RTCB: variants seen among roughly 807,000 people sequenced by gnomAD.
RTCB encodes RNA 2',3'-cyclic phosphate and 5'-OH ligase, also known as RNA-splicing ligase RTCB.
A neutral mutation model predicts 58.2 loss-of-function variants in RTCB; 32 were observed. That is an observed-to-expected ratio of 0.55 (90% CI 0.41 to 0.74). RTCB has a LOEUF of 0.74. Among genes scored for constraint, RTCB ranks in the 30% least tolerant of loss-of-function variants. The pLI, the probability that RTCB is intolerant of heterozygous loss-of-function variation, is 0.00. For synonymous variants in RTCB, 247 were observed against 218.6 expected, an observed-to-expected ratio of 1.13 and a Z score of -1.15; for missense variants, 523 against 639.0, an observed-to-expected ratio of 0.82 and a Z score of 1.96.
intron 11 of RTCB, among the ~76,000 whole-genome samples, chr22:32,388,770 C>T (rs998988606): frequency 3.3e-5 from 5 of 152,146 alleles, no homozygotes; most frequent in African/African-American, 1.2e-4. Flanking sequence ...TGCTGATTCC[C>T]GTACGGTTCT....
Position 32,393,878 on chromosome 22 carries a change from T to C in RTCB, c.1290+14A>G. 1.3e-6 allele frequency: 2 copies of C among 1,563,592 alleles called. No individual in the cohort carries two copies. Among genetic ancestry groups the C allele is most frequent in the Non-Finnish European group, 1.8e-6 (2 of 1,133,922 alleles). Reference sequence around the variant, plus strand: ...TGAAGAGAGCATTTCTAAGGAAGTTTCTGTTTTCCTTACCGCTCCATGACA... The same window carrying C: ...TGAAGAGAGCATTTCTAAGGAAGTTCCTGTTTTCCTTACCGCTCCATGACA... On this transcript the variant is annotated intron_variant, in intron 10 of 11. Coordinates refer to ENST00000216038, the MANE Select transcript of RTCB (RefSeq NM_014306.5).
intron 7 of RTCB, among the ~76,000 whole-genome samples, chr22:32,396,728 T>C (rs764947129): frequency 6.6e-6 from 1 of 152,200 alleles, no homozygotes; most frequent in South Asian, 2.1e-4. Context: ...AATTATTAAA[T>C]TCTCACACAA....
rs947280865 is a variant in RTCB at position 32,406,738 on chromosome 22, G to T, written c.264C>A (p.Val88=). 6.2e-7 allele frequency: 1 copy of T among 1,610,972 alleles called. No individual in the cohort carries two copies. The highest frequency in any genetic ancestry group is 1.3e-5 in the African/African-American group (1 of 74,824). Residue 88 remains valine (V), a synonymous_variant, in exon 4 of 12, where the codon GTC becomes GTA. Coordinates refer to ENST00000216038, the MANE Select transcript of RTCB (RefSeq NM_014306.5). ...CAATAGCAAACCCATATCCTGAATG[G>T]ACATCAGGAAGCCCAATAGATCGCT... ...IVHRSIGLPD[V]HSGYGFAIGN... is the part of the protein sequence containing the mutation.
In RTCB at chr22:32,393,936, C is replaced by T; in HGVS notation, c.1246G>A (p.Glu416Lys). The T allele has an allele frequency of 6.2e-7, 1 of 1,614,138 alleles. No homozygotes were observed. Among genetic ancestry groups the T allele is most frequent in the Non-Finnish European group, 8.5e-7 (1 of 1,179,996 alleles). Residue 416 changes from glutamate (E) to lysine (K), a missense_variant, in exon 10 of 12, where the codon GAA becomes AAA. Physicochemically the swap from Glu to Lys is moderately conservative, Grantham distance 56 (BLOSUM62 1). Coordinates refer to ENST00000216038, the MANE Select transcript of RTCB (RefSeq NM_014306.5). The part of the protein sequence containing the change: ...GTCSYVLTGT[E>K]QGMTETFGTT... ...CCAAAGGTCTCAGTCATGCCCTGTT[C>T]AGTGCCAGTAAGAACATAACTACAG...
chr22:32,399,884 G>T, intron 5 of RTCB, 125 bp from the exon 6 acceptor site: 2 of 852,616 alleles, frequency 2.3e-6, no homozygotes, highest in Non-Finnish European at 3.5e-6. Context: ...CAAGCCTTGA[G>T]TCAGATACAA....
chr22:32,399,133 T>G (rs1232850228), intron 6 of RTCB, among the ~76,000 whole-genome samples: 1 of 152,148 alleles, frequency 6.6e-6, no homozygotes, highest in Non-Finnish European at 1.5e-5. Flanking sequence ...TAATTCATTA[T>G]TTCTTATTTT....
intron 11 of RTCB, among the ~76,000 whole-genome samples, chr22:32,390,362 A>G (rs59808328): frequency 2.0e-5 from 3 of 152,220 alleles, no homozygotes; most frequent in Non-Finnish European, 4.4e-5. Context: ...AAACAAAACC[A>G]AAAAACCAAA....
intron 5 of RTCB, 195 bp from the exon 6 acceptor site, chr22:32,399,954 T>C (rs574730111): frequency 1.2e-4 from 53 of 440,158 alleles, no homozygotes; most frequent in African/African-American, 9.8e-4. Context: ...AATTCCAATA[T>C]AAAATGATAA....
chr22:32,397,853 C>T, intron 7 of RTCB, 88 bp downstream of exon 7: 1 of 1,268,380 alleles, frequency 7.9e-7, no homozygotes, highest in Non-Finnish European at 1.1e-6. Context: ...AGGATAAAAC[C>T]CATGCAGTAT....
chr22:32,390,254 T>C (rs113901945), intron 11 of RTCB, among the ~76,000 whole-genome samples: 1,884 of 152,314 alleles, frequency 0.012, 14 homozygotes, highest in East Asian at 0.017. Context: ...CACTGCAGTA[T>C]CTCTAGCATA....
intron 5 of RTCB, 98 bp downstream of exon 5, chr22:32,401,649 C>G: frequency 7.6e-7 from 1 of 1,320,084 alleles, no homozygotes; most frequent in Non-Finnish European, 1.0e-6. Flanking sequence ...AGTAACTGAA[C>G]AATCCTCATC....
intron 7 of RTCB, 47 bp downstream of exon 7, chr22:32,397,894 C>G: frequency 1.3e-6 from 2 of 1,554,086 alleles, no homozygotes; most frequent in Non-Finnish European, 1.7e-6. Flanking sequence ...AAATTTCTAT[C>G]TGGTTGCCCA....
chr22:32,404,599 G>T (rs1458646338), intron 4 of RTCB, among the ~76,000 whole-genome samples: 2 of 152,122 alleles, frequency 1.3e-5, no homozygotes, highest in Non-Finnish European at 2.9e-5. Flanking sequence ...AGAGATGGGG[G>T]TCTCCCTATG....
chr22:32,400,185 A>T (rs567529283), intron 5 of RTCB, among the ~76,000 whole-genome samples: 1 of 152,232 alleles, frequency 6.6e-6, no homozygotes, highest in Non-Finnish European at 1.5e-5. Flanking sequence ...TACACACCTT[A>T]ATCATTTATG....
At chr22:32,397,213 T>C (rs1414654769) in intron 7 of RTCB, among the ~76,000 whole-genome samples, 1 of 152,226 alleles carries the variant, frequency 6.6e-6, no homozygotes, top group East Asian at 1.9e-4. Flanking sequence ...AGTCCTGTAG[T>C]AACCGTCACA....
intron 3 of RTCB, 170 bp downstream of exon 3, chr22:32,408,005 T>C (rs1285585664): frequency 3.3e-6 from 2 of 614,066 alleles, no homozygotes; most frequent in African/African-American, 1.9e-5. Flanking sequence ...TCCTTCCATC[T>C]TGGTCTCTCA....
intron 4 of RTCB, among the ~76,000 whole-genome samples, 189 bp downstream of exon 4, chr22:32,406,473 T>C (rs889532727): frequency 2.0e-5 from 3 of 151,970 alleles, no homozygotes; most frequent in Non-Finnish European, 4.4e-5. Context: ...CAGGTGCGCG[T>C]CACCACCCCC....
intron 4 of RTCB, among the ~76,000 whole-genome samples, chr22:32,403,230 C>T (rs1288603544): frequency 6.6e-6 from 1 of 151,924 alleles, no homozygotes; most frequent in African/African-American, 2.4e-5. Context: ...CGCAGTGAAA[C>T]CCCGTCTCTA....
At chr22:32,396,348 C>T in intron 7 of RTCB, 99 bp from the exon 8 acceptor site, 1 of 1,252,760 alleles carries the variant, frequency 8.0e-7, no homozygotes, top group Non-Finnish European at 1.1e-6. Context: ...ATTCATTCCA[C>T]AAAAAAACCC....
Sources: gnomAD v4.1 joint callset for allele counts (sites outside exome capture counted in the v4.1 genomes callset) on GRCh38, gnomAD v4.1.1 for gene constraint, MANE v1.5 for transcripts, NCBI Gene and HGNC (gene_info 2026-07-23, HGNC 2026-07-21) for gene names.